MACIR: variants seen among roughly 807,000 people sequenced by gnomAD.
MACIR encodes the protein macrophage immunometabolism regulator.
Under a neutral mutation model 14.3 loss-of-function variants are expected in MACIR, and 4 were observed. The observed-to-expected ratio is 0.28, with a 90% CI of 0.14 to 0.64. The LOEUF (loss-of-function observed/expected upper bound fraction) is 0.64, where lower values mean the gene tolerates loss of function less well. MACIR is among the 30% of genes least tolerant of loss of function. The pLI is 0.83. For missense variants in MACIR, 228 were observed against 257.6 expected, an observed-to-expected ratio of 0.89 and a Z score of 0.79; for synonymous variants, 101 against 102.4, an observed-to-expected ratio of 0.99 and a Z score of 0.08.
rs537982848 is a variant in MACIR at position 103,276,744 on chromosome 5, G to A, written c.*204G>A. The A allele has an allele frequency of 6.6e-5, 30 of 453,496 alleles. No individual in the cohort carries two copies. Among genetic ancestry groups the A allele is most frequent in the African/African-American group, 8.0e-5 (4 of 49,850 alleles). The allele number at this position is 453,496 out of a possible 1,614,324, so 28.1% of individuals were successfully genotyped here. A position where few individuals can be genotyped will look rare whatever the true frequency, so the allele number is the denominator to read the frequency against. Reference sequence around the variant, plus strand: ...GGGGGGGGATATCATTCTAGAGCACGCAACTGCAAAGAAAACAGAATGTTG... The same window carrying A: ...GGGGGGGGATATCATTCTAGAGCACACAACTGCAAAGAAAACAGAATGTTG... On this transcript the variant is annotated 3_prime_UTR_variant, in exon 3 of 3. Coordinates refer to ENST00000319933, the MANE Select transcript of MACIR (RefSeq NM_033211.4).
In MACIR at chr5:103,277,724, T is replaced by G. The variant is rs1805385890; in HGVS notation, c.*1184T>G. 1 of 167,066 alleles carries G rather than the reference T, an allele frequency of 6.0e-6. No homozygotes were observed. The highest frequency in any genetic ancestry group is 2.4e-5 in the African/African-American group (1 of 41,444). The allele number at this position is 167,066 out of a possible 1,614,324, so 10.3% of individuals were successfully genotyped here. A position where few individuals can be genotyped will look rare whatever the true frequency, so the allele number is the denominator to read the frequency against. On this transcript the variant is annotated 3_prime_UTR_variant, in exon 3 of 3. Coordinates refer to ENST00000319933, the MANE Select transcript of MACIR (RefSeq NM_033211.4). ...AGTAACAAATACAGCTCAACTATTC[T>G]TGAATATATTTTGAAAAAAAAATGT...
intron 1 of MACIR, among the ~76,000 whole-genome samples, chr5:103,260,759 T>G (rs1416097680): frequency 2.6e-5 from 4 of 152,208 alleles, no homozygotes; most frequent in Admixed American, 6.5e-5. Flanking sequence ...AATAAAGCTT[T>G]ATGTACAGGG....
intron 2 of MACIR, among the ~76,000 whole-genome samples, chr5:103,268,731 G>A (rs1329861038): frequency 6.6e-6 from 1 of 152,152 alleles, no homozygotes; most frequent in Admixed American, 6.5e-5. Context: ...CATGATTCTG[G>A]TGTAGACAAG....
intron 1 of MACIR, among the ~76,000 whole-genome samples, chr5:103,261,406 G>A (rs1554236241): frequency 6.6e-6 from 1 of 152,146 alleles, no homozygotes; most frequent in Non-Finnish European, 1.5e-5. Context: ...TCATTGTTGT[G>A]TTGTACTTTG....
intron 1 of MACIR, among the ~76,000 whole-genome samples, chr5:103,265,378 C>T (rs1273094420): frequency 6.6e-6 from 1 of 152,102 alleles, no homozygotes; most frequent in African/African-American, 2.4e-5. Flanking sequence ...AAAGCATTCA[C>T]CTACCTCATT....
chr5:103,272,111 AT>A (rs1317708709), intron 2 of MACIR, among the ~76,000 whole-genome samples: 6 of 152,182 alleles, frequency 3.9e-5, no homozygotes, highest in African/African-American at 1.4e-4. Flanking sequence ...TACAAGGTTT[AT>A]TTGACAATAT....
intron 2 of MACIR, among the ~76,000 whole-genome samples, chr5:103,272,776 G>A (rs1300055887): frequency 1.3e-5 from 2 of 152,112 alleles, no homozygotes; most frequent in Non-Finnish European, 2.9e-5. Flanking sequence ...CTTGTTTCCA[G>A]CGTTCATGTT....
At chr5:103,260,222 T>G (rs1804629193) in intron 1 of MACIR, among the ~76,000 whole-genome samples, 1 of 127,068 alleles carries the variant, frequency 7.9e-6, no homozygotes, top group African/African-American at 4.1e-5. Context: ...CTCATTTTCC[T>G]TTTTTTTTTT....
At chr5:103,269,931 T>C (rs1805068466) in intron 2 of MACIR, among the ~76,000 whole-genome samples, 1 of 152,220 alleles carries the variant, frequency 6.6e-6, no homozygotes, top group Non-Finnish European at 1.5e-5. Context: ...ACATTTAGTT[T>C]GTAAATTTCT....
At chr5:103,259,288 G>C (rs1459081600) in intron 1 of MACIR, 1 of 152,138 alleles carries the variant, frequency 6.6e-6, no homozygotes, top group Admixed American at 6.5e-5. Flanking sequence ...GTGAGTGTGC[G>C]GGGGCGTGCG....
At chr5:103,270,032 T>G (rs1375197322) in intron 2 of MACIR, among the ~76,000 whole-genome samples, 2 of 152,308 alleles carry the variant, frequency 1.3e-5, no homozygotes, top group East Asian at 3.9e-4. Context: ...TTTATCTTTT[T>G]CTTCTTGGAA....
At chr5:103,263,876 C>T (rs945841502) in intron 1 of MACIR, among the ~76,000 whole-genome samples, 3 of 151,886 alleles carry the variant, frequency 2.0e-5, no homozygotes, top group Non-Finnish European at 4.4e-5. Flanking sequence ...TTTTTTCTGT[C>T]GCATAATTTA....
In MACIR at chr5:103,276,325, A is replaced by C; in HGVS notation, c.406A>C (p.Lys136Gln). Reference sequence around the variant, plus strand: ...AAGGCGGATGCCAAGCTCAGGAGACAAGTGCACTAAATCTTTACCTTATGA... The same window carrying C: ...AAGGCGGATGCCAAGCTCAGGAGACCAGTGCACTAAATCTTTACCTTATGA... Reference protein sequence around the residue: ...RRRRMPSSGDKCTKSLPYEPY... With the variant: ...RRRRMPSSGDQCTKSLPYEPY... Residue 136 changes from lysine to glutamine, a missense_variant, in exon 3 of 3, where the codon AAG becomes CAG. Physicochemically the swap from Lys to Gln is moderately conservative, Grantham distance 53. Transcript: ENST00000319933. 6.2e-7 allele frequency: 1 copy of C among 1,613,074 alleles called. No individual in the cohort carries two copies.
chr5:103,276,330 C>T lies in MACIR; in HGVS notation c.411C>T (p.Cys137=). The T allele has an allele frequency of 6.2e-7, 1 of 1,613,102 alleles. No individual in the cohort carries two copies. Residue 137 remains cysteine, a synonymous_variant, in exon 3 of 3, where the codon TGC becomes TGT. Transcript: ENST00000319933. ...RRRMPSSGDK[C]TKSLPYEPYK... is the part of the protein sequence containing the mutation. ...GGATGCCAAGCTCAGGAGACAAGTGCACTAAATCTTTACCTTATGAACCTT... is the reference window on the plus strand; with the variant it reads ...GGATGCCAAGCTCAGGAGACAAGTGTACTAAATCTTTACCTTATGAACCTT...
At chr5:103,269,829 G>C (rs561694330) in intron 2 of MACIR, among the ~76,000 whole-genome samples, 22 of 152,102 alleles carry the variant, frequency 1.4e-4, no homozygotes, top group Non-Finnish European at 3.1e-4. Context: ...ATTGAATGCT[G>C]TACCTAATGC....
chr5:103,272,312 T>A (rs1554237184), intron 2 of MACIR, among the ~76,000 whole-genome samples: 1 of 152,032 alleles, frequency 6.6e-6, no homozygotes. Context: ...GACATCTGTA[T>A]ATCAAGATAG....
intron 2 of MACIR, among the ~76,000 whole-genome samples, chr5:103,271,446 T>A (rs1805121785): frequency 6.6e-6 from 1 of 152,140 alleles, no homozygotes; most frequent in Non-Finnish European, 1.5e-5. Flanking sequence ...GATTTGGACC[T>A]ATTTGCTTTA....
intron 1 of MACIR, among the ~76,000 whole-genome samples, chr5:103,260,587 A>T (rs1376893664): frequency 6.6e-6 from 1 of 152,158 alleles, no homozygotes; most frequent in Non-Finnish European, 1.5e-5. Context: ...CTAACAGTTT[A>T]TTTAATTGCA....
chr5:103,263,877 G>A (rs375637), intron 1 of MACIR, among the ~76,000 whole-genome samples: 45,119 of 151,748 alleles, frequency 0.3, 6,717 homozygotes, highest in Non-Finnish European at 0.32. Flanking sequence ...TTTTTCTGTC[G>A]CATAATTTAT....
Sources: allele counts gnomAD v4.1 joint callset (sites outside exome capture counted in the v4.1 genomes callset), GRCh38; gene constraint gnomAD v4.1.1; transcripts MANE v1.5; gene names NCBI Gene and HGNC (gene_info 2026-07-23, HGNC 2026-07-21).